Variants in COL16A1 observed in about 807,000 individuals in gnomAD.
COL16A1 encodes the protein collagen alpha-1(XVI) chain.
Under a neutral mutation model 266.3 loss-of-function variants are expected in COL16A1, and 189 were observed. The observed-to-expected ratio is 0.71, with a 90% CI of 0.63 to 0.80. The LOEUF is 0.80. COL16A1 is among the 30% of genes least tolerant of loss of function. The probability of loss-of-function intolerance (pLI) is 0.00; values close to 1 mark genes in which losing one functional copy is unlikely to be tolerated. For missense variants in COL16A1, 1,928 were observed against 2,122.4 expected (o/e 0.91, Z 1.80); for synonymous variants, 740 against 782.3 (o/e 0.95, Z 0.90).
chr1:31,692,573 G>T (rs1232411961), intron 15 of COL16A1, 25 bp downstream of exon 15: 1 of 1,614,056 alleles, frequency 6.2e-7, no homozygotes, highest in Non-Finnish European at 8.5e-7. Context: ...CACCATCCCT[G>T]CCCTATCCCT....
intron 66 of COL16A1, 49 bp from the exon 67 acceptor site, chr1:31,655,551 A>G: frequency 5.0e-6 from 8 of 1,604,040 alleles, no homozygotes; most frequent in Non-Finnish European, 6.0e-6. Context: ...ATGATGTCTC[A>G]CCAATCTGCT....
At position 31,685,692 on chromosome 1, in the gene COL16A1, A is replaced by C. The variant is rs755339630; in HGVS notation, c.1963T>G (p.Ser655Ala). The C allele has an allele frequency of 1.2e-6, 2 of 1,613,906 alleles. No individual in the cohort carries two copies. Among genetic ancestry groups the C allele is most frequent in the Non-Finnish European group, 1.7e-6 (2 of 1,179,974 alleles). ...DVRVVALPGP[S>A]GEKGEPGPPG... ...GGCCCAGGTTCCCCCTTCTCTCCGG[A>C]TGGGCCAGGCAAGGCCACCACACGG... The change falls in exon 29 of 71, where the codon TCC (serine) becomes GCC (alanine). Residue 655 changes from serine to alanine, a missense_variant. By Grantham distance (99) the Ser-to-Ala change is moderately conservative. Transcript: ENST00000373672. The surrounding 1 kb of genome is among the most constrained non-coding windows in gnomAD (Gnocchi z 4.0).
chr1:31,672,889 G>T, intron 44 of COL16A1, 49 bp from the exon 45 acceptor site: 1 of 1,574,026 alleles, frequency 6.4e-7, no homozygotes, highest in Non-Finnish European at 8.7e-7. Context: ...GAGATGGGCA[G>T]GATGGGCCAA....
rs532345214 is a variant in COL16A1 at position 31,664,723 on chromosome 1, G to A, written c.3555+449C>T. Among the ~76,000 whole-genome samples the A allele has an allele frequency of 6.6e-5, 10 of 152,248 alleles. No individual in the cohort carries two copies. Among genetic ancestry groups the A allele is most frequent in the Admixed American group, 1.3e-4 (2 of 15,294 alleles). On this transcript the variant is annotated intron_variant, in intron 56 of 70. Coordinates refer to ENST00000373672, the MANE Select transcript of COL16A1 (RefSeq NM_001856.4). This position sits in a 1 kb window ranked among gnomAD's most constrained non-coding sequence, Gnocchi z 5.5. ...GGGCCCTTGGGGACAACTGGAGCAC[G>A]GCTACCCAGGAGGAGCCCATTCCCC...
rs775937904 is a variant in COL16A1, at chr1:31,672,850, G to A, written c.2860-10C>T. The A allele has an allele frequency of 6.2e-7, 1 of 1,612,842 alleles. No homozygotes were observed. Among genetic ancestry groups the A allele is most frequent in the Non-Finnish European group, 8.5e-7 (1 of 1,179,194 alleles). On this transcript the variant is annotated splice_polypyrimidine_tract_variant and intron_variant, in intron 44 of 70. Transcript: ENST00000373672. Reference sequence around the variant, plus strand: ...AGTCCCCGCAGATACTCTGATCAGGGAGTGGGGAGAGGAGTGGGGCCTGGG... The same window carrying A: ...AGTCCCCGCAGATACTCTGATCAGGAAGTGGGGAGAGGAGTGGGGCCTGGG...
rs191172548 is a variant in COL16A1 at position 31,653,334 on chromosome 1, G to C, written c.4612+265C>G. On this transcript the variant is annotated intron_variant, in intron 70 of 70. Transcript: ENST00000373672. The stretch of plus-strand genomic sequence containing the variant: ...GAGGTGCTGAGTAGAACTTGAACTC[G>C]AGTTCCTCATCCCCACCTCCATGCA... 8.1e-4 allele frequency: 321 copies of C among 395,294 alleles called. 1 individual carries two copies. Among genetic ancestry groups the C allele is most frequent in the African/African-American group, 5.2e-3 (258 of 49,342 alleles). 24.5% of individuals were successfully genotyped at this position (395,294 alleles called of 1,614,324 possible).
intron 55 of COL16A1, 68 bp from the exon 56 acceptor site, chr1:31,665,302 T>G: frequency 1.3e-6 from 2 of 1,565,840 alleles, no homozygotes; most frequent in Non-Finnish European, 1.7e-6. Context: ...TCTTTATTCT[T>G]CCTGTGCATG....
chr1:31,676,933 C>T (rs990485353), intron 42 of COL16A1, among the ~76,000 whole-genome samples: 1 of 152,244 alleles, frequency 6.6e-6, no homozygotes, highest in African/African-American at 2.4e-5. Context: ...CACCAGCCCC[C>T]GAGCAATTTC....
chr1:31,665,370 T>C (rs919227086), intron 55 of COL16A1, 136 bp from the exon 56 acceptor site: 24 of 1,428,012 alleles, frequency 1.7e-5, no homozygotes, highest in African/African-American at 2.9e-5. Flanking sequence ...TTGGGAGCAT[T>C]ACGTCTGCCT....
At position 31,670,499 on chromosome 1, in the gene COL16A1, C is replaced by T; in HGVS notation, c.3195+103G>A. ...ACCGTGCCTGAAGGGGGACAACAAA[C>T]ACGGAGGACGGAGGTGAAGGCACGA... On this transcript the variant is annotated intron_variant, in intron 49 of 70. Coordinates refer to ENST00000373672, the MANE Select transcript of COL16A1 (RefSeq NM_001856.4). This position sits in a 1 kb window ranked among gnomAD's most constrained non-coding sequence, Gnocchi z 4.5. 2 of 1,282,598 alleles carry T rather than the reference C, an allele frequency of 1.6e-6. No homozygotes were observed. The highest frequency in any genetic ancestry group is 2.0e-6 in the Non-Finnish European group (2 of 1,002,568). The allele number at this position is 1,282,598 out of a possible 1,614,324, so 79.5% of individuals were successfully genotyped here. A position where few individuals can be genotyped will look rare whatever the true frequency, so the allele number is the denominator to read the frequency against.
intron 44 of COL16A1, among the ~76,000 whole-genome samples, chr1:31,674,044 C>T (rs984190159): frequency 2.6e-5 from 4 of 152,220 alleles, no homozygotes; most frequent in Admixed American, 1.3e-4. Context: ...CACAACCTCA[C>T]TGTGATCCAA....
chr1:31,668,077 A>T lies in COL16A1; in HGVS notation c.3303+88T>A. ...ATGCCCGGTAATGGGGAGCCCGCCG[A>T]GGGTTGCCCAGCCTGGCTGTGTCCT... On this transcript the variant is annotated intron_variant, in intron 51 of 70. Transcript: ENST00000373672. The surrounding 1 kb of genome is among the most constrained non-coding windows in gnomAD (Gnocchi z 5.8). The T allele has an allele frequency of 8.3e-7, 1 of 1,201,572 alleles. No individual in the cohort carries two copies. The highest frequency in any genetic ancestry group is 2.2e-5 in the Admixed American group (1 of 45,952). 74.4% of individuals were successfully genotyped at this position (1,201,572 alleles called of 1,614,324 possible).
rs1642137181 is a variant in COL16A1 at position 31,666,270 on chromosome 1, A to T, written c.3358-189T>A. ...CCCGAGCTACTGAACCAGCCTCCTA[A>T]CTCGTCCTGCCACCTCCTGGCTCAC... On this transcript the variant is annotated intron_variant, in intron 52 of 70. Transcript: ENST00000373672. The T allele has an allele frequency of 2.2e-5, 14 of 631,168 alleles. No homozygotes were observed. In the South Asian group the frequency reaches 3.1e-4, roughly 14 times the overall value. 39.1% of individuals were successfully genotyped at this position (631,168 alleles called of 1,614,324 possible).
chr1:31,691,572 C>T (rs1644270213), intron 18 of COL16A1, 26 bp downstream of exon 18: 16 of 1,613,880 alleles, frequency 9.9e-6, no homozygotes, highest in Admixed American at 1.7e-5. Flanking sequence ...CACCCCATCT[C>T]CACCCCACAA....
intron 40 of COL16A1, 22 bp from the exon 41 acceptor site, chr1:31,679,873 A>T: frequency 6.7e-7 from 1 of 1,503,238 alleles, no homozygotes; most frequent in East Asian, 2.4e-5. Flanking sequence ...TGGGGGTCGC[A>T]AAAGAAGGGG....
rs1284245786 is a variant in COL16A1, at chr1:31,685,791, G to A, written c.1885-21C>T. The A allele has an allele frequency of 6.2e-7, 1 of 1,612,350 alleles. No individual in the cohort carries two copies. Among genetic ancestry groups the A allele is most frequent in the Admixed American group, 1.7e-5 (1 of 59,930 alleles). The stretch of plus-strand genomic sequence containing the variant: ...TCCCCCTGCCAAGCAAGGACATTGA[G>A]TTAGGGGGTCCCCCAGGCCCTAGTG... On this transcript the variant is annotated intron_variant, in intron 28 of 70. Coordinates refer to ENST00000373672, the MANE Select transcript of COL16A1 (RefSeq NM_001856.4). The surrounding 1 kb of genome is among the most constrained non-coding windows in gnomAD (Gnocchi z 4.0).
At chr1:31,661,983 G>A (rs1641711993) in intron 58 of COL16A1, among the ~76,000 whole-genome samples, 1 of 152,192 alleles carries the variant, frequency 6.6e-6, no homozygotes, top group South Asian at 2.1e-4. Flanking sequence ...CAAAACCCCA[G>A]GAGCCAGGGC....
At chr1:31,661,616 C>A in intron 59 of COL16A1, 44 bp downstream of exon 59, 1 of 1,613,886 alleles carries the variant, frequency 6.2e-7, no homozygotes, top group Non-Finnish European at 8.5e-7. Context: ...CAGGCAGAAG[C>A]TGCAACTTCG....
At chr1:31,680,813 GC>G in intron 39 of COL16A1, 91 bp downstream of exon 39, 2 of 1,601,446 alleles carry the variant, frequency 1.2e-6, no homozygotes, top group Non-Finnish European at 1.7e-6. Context: ...GGCTGGAGGG[GC>G]TGCTAATCCC....
Sources: gnomAD v4.1 joint callset for allele counts (sites outside exome capture counted in the v4.1 genomes callset) on GRCh38, gnomAD v4.1.1 for gene constraint, Gnocchi (gnomAD v3.1) non-coding constraint, MANE v1.5 for transcripts, NCBI Gene and HGNC (gene_info 2026-07-23, HGNC 2026-07-21) for gene names.